Variants in ARHGAP22 observed in about 807,000 individuals in gnomAD.
The protein encoded by ARHGAP22 is Rho GTPase activating protein 22.
Under a neutral mutation model 59.1 loss-of-function variants are expected in ARHGAP22, and 48 were observed. The ratio of observed to expected loss-of-function variants is 0.81; its 90% CI spans 0.64 to 1.03. The LOEUF (loss-of-function observed/expected upper bound fraction) is 1.03, where lower values mean the gene tolerates loss of function less well. ARHGAP22 is among the 50% of genes least tolerant of loss of function. The pLI is 0.00. For synonymous variants in ARHGAP22, 445 were observed against 416.4 expected (o/e 1.07, Z -0.84); for missense variants, 1,015 against 958.7 (o/e 1.06, Z -0.78).
chr10:48,623,788 C>T lies in ARHGAP22; in HGVS notation c.52+28446G>A, dbSNP rs558149911. Among the ~76,000 whole-genome samples the T allele has an allele frequency of 2.0e-5, 3 of 152,336 alleles. No homozygotes were observed. The South Asian group carries it at 6.2e-4, about 32-fold the overall frequency. On this transcript the variant is annotated intron_variant, in intron 1 of 9. Transcript: ENST00000435790. The stretch of plus-strand genomic sequence containing the variant: ...TGCAGTGAGAATGTTTTGGGGAGCA[C>T]ATCCTGAAATAGCAATTGGCACAGG...
intron 1 of ARHGAP22, among the ~76,000 whole-genome samples, chr10:48,628,942 C>T (rs2061539903): frequency 6.6e-6 from 1 of 152,174 alleles, no homozygotes; most frequent in African/African-American, 2.4e-5. Context: ...AAGGGAAGAA[C>T]ACAGTGCACA....
chr10:48,639,002 C>G (rs2061936388), intron 1 of ARHGAP22, among the ~76,000 whole-genome samples: 1 of 152,202 alleles, frequency 6.6e-6, no homozygotes, highest in Non-Finnish European at 1.5e-5. Context: ...AGACATGCAA[C>G]AATCAGAAAA....
chr10:48,465,198 G>T (rs1033428864), intron 4 of ARHGAP22, among the ~76,000 whole-genome samples: 1 of 152,244 alleles, frequency 6.6e-6, no homozygotes, highest in Admixed American at 6.5e-5. Context: ...CATCGTGTGG[G>T]TTCCTCGAGG....
At chr10:48,576,467 C>G (rs1309103264) in intron 2 of ARHGAP22, among the ~76,000 whole-genome samples, 1 of 152,214 alleles carries the variant, frequency 6.6e-6, no homozygotes, top group Non-Finnish European at 1.5e-5. Context: ...ATAGTCTCAA[C>G]GTGAGAAATT....
intron 3 of ARHGAP22, among the ~76,000 whole-genome samples, chr10:48,538,113 A>G (rs1276018961): frequency 6.6e-6 from 1 of 152,232 alleles, no homozygotes; most frequent in Non-Finnish European, 1.5e-5. Context: ...GAAGTCCAGG[A>G]TCGCGGTGGA....
Position 48,489,730 on chromosome 10 carries a change from C to CTTTTT in ARHGAP22, c.323-9971_323-9967dup, listed in dbSNP as rs377099863. Among the ~76,000 whole-genome samples, 13 of 119,590 alleles carry CTTTTT rather than the reference C, an allele frequency of 1.1e-4. 1 individual carries two copies. The highest frequency in any genetic ancestry group is 2.2e-4 in the East Asian group (1 of 4,448). The allele number at this position is 119,590 out of a possible 152,430, so 78.5% of individuals were successfully genotyped here. On this transcript the variant is annotated intron_variant, in intron 3 of 9. Coordinates refer to ENST00000249601, the MANE Select transcript of ARHGAP22 (RefSeq NM_021226.4). ...ACATGACAGACTTCTGAGGCTGCCT[C>CTTTTT]TTTTTTTTTTTTTTTTTTTTTGAGA... is the stretch of plus-strand genomic sequence containing the variant.
intron 1 of ARHGAP22, among the ~76,000 whole-genome samples, chr10:48,593,387 C>T (rs183538926): frequency 6.6e-5 from 10 of 152,302 alleles, no homozygotes; most frequent in African/African-American, 2.2e-4. Flanking sequence ...GTGGATGTTC[C>T]CAGACCCCTG....
rs568585583 is a variant in ARHGAP22 at position 48,573,036 on chromosome 10, A to G, written c.234+9917T>C. Among the ~76,000 whole-genome samples, 11 of 152,288 alleles carry G rather than the reference A, an allele frequency of 7.2e-5. No homozygotes were observed. The South Asian group carries it at 2.3e-3, about 32-fold the overall frequency. ...GAATTAAAGCAAGTTAATACATGCA[A>G]AACACTTAGAACAGAGCCTGGTTCA... On this transcript the variant is annotated intron_variant, in intron 2 of 9. Transcript: ENST00000249601.
At position 48,590,123 on chromosome 10, in the gene ARHGAP22, G is replaced by GA. The variant is rs1347761115; in HGVS notation, c.35-6972dup. Among the ~76,000 whole-genome samples, 365 of 152,232 alleles carry GA rather than the reference G, an allele frequency of 2.4e-3. 16 individuals are homozygous for GA. The highest frequency in any genetic ancestry group is 0.024 in the Admixed American group (361 of 15,302). On this transcript the variant is annotated intron_variant, in intron 1 of 9. Coordinates refer to ENST00000249601, the MANE Select transcript of ARHGAP22 (RefSeq NM_021226.4). ...GTACACAAGGGCCACTTTACAGAGA[G>GA]AGGGTAGGGGTGACAGGAGGGGGAG...
chr10:48,493,707 C>A, intron 3 of ARHGAP22: 1 of 1,336,014 alleles, frequency 7.5e-7, no homozygotes. Context: ...CTGTCTGGGG[C>A]GGGGCAAGAA....
At chr10:48,654,991 CCT>C (rs1217394146), upstream of ARHGAP22, among the ~76,000 whole-genome samples, 2 of 134,748 alleles carry the variant, frequency 1.5e-5, no homozygotes, top group Non-Finnish European at 3.2e-5. Flanking sequence ...TTCCTCCCTT[CCT>C]CTCTCTCTTT....
chr10:48,432,248 T>C, the ARHGAP22 span, among the ~76,000 whole-genome samples: 2 of 152,182 alleles, frequency 1.3e-5, no homozygotes, highest in Non-Finnish European at 2.9e-5. Context: ...AGGAAAAAAA[T>C]AGATGTTGTA....
At chr10:48,615,331 G>A (rs542085499) in intron 1 of ARHGAP22, among the ~76,000 whole-genome samples, 6 of 152,286 alleles carry the variant, frequency 3.9e-5, no homozygotes, top group South Asian at 4.1e-4. Context: ...CTGTCAAATC[G>A]CTAACTGACC....
chr10:48,469,872 C>G (rs1340020985), intron 4 of ARHGAP22, among the ~76,000 whole-genome samples: 1 of 152,224 alleles, frequency 6.6e-6, no homozygotes, highest in Non-Finnish European at 1.5e-5. Context: ...GCATCCTGCT[C>G]TCTACAGCAG....
upstream of ARHGAP22, among the ~76,000 whole-genome samples, chr10:48,655,008 C>CTCTTTCTTTCTTTCTTTCTT (rs369212947): frequency 0.013 from 1,025 of 76,478 alleles, 217 homozygotes; most frequent in Non-Finnish European, 0.018. Context: ...CTCTTTCTTT[C>CTCTTTCTTTCTTTCTTTCTT]TCTTTCTTTC....
chr10:48,442,442 C>G (rs1478855764), downstream of ARHGAP22, among the ~76,000 whole-genome samples: 1 of 152,218 alleles, frequency 6.6e-6, no homozygotes, highest in Non-Finnish European at 1.5e-5. Context: ...GCAGCTATGT[C>G]TCTAGGCAAA....
At chr10:48,614,295 A>C (rs945060445) in intron 1 of ARHGAP22, among the ~76,000 whole-genome samples, 23 of 152,364 alleles carry the variant, frequency 1.5e-4, no homozygotes, top group African/African-American at 5.3e-4. Context: ...AGAAGAGGAC[A>C]GTATTTACCA....
chr10:48,507,315 C>T (rs986633537), intron 3 of ARHGAP22, among the ~76,000 whole-genome samples: 16 of 152,334 alleles, frequency 1.1e-4, no homozygotes, highest in South Asian at 2.1e-4. Context: ...GACTGACCTT[C>T]GAGGGCCTTA....
At chr10:48,494,502 G>A (rs936181661) in intron 3 of ARHGAP22, among the ~76,000 whole-genome samples, 5 of 152,162 alleles carry the variant, frequency 3.3e-5, no homozygotes, top group African/African-American at 4.8e-5. Context: ...CGCCTGTGCC[G>A]ATGCCACCTG....
Sources: allele counts gnomAD v4.1 joint callset (sites outside exome capture counted in the v4.1 genomes callset), GRCh38; gene constraint gnomAD v4.1.1; transcripts MANE v1.5; gene names NCBI Gene and HGNC (gene_info 2026-07-23, HGNC 2026-07-21).